VASH2: variants seen among roughly 807,000 people sequenced by gnomAD.
The protein encoded by VASH2 is vasohibin 2.
VASH2 carries 28 observed loss-of-function variants against 37.2 expected under a neutral mutation model. That is an observed-to-expected ratio of 0.75 (90% CI 0.56 to 1.03). The LOEUF is 1.03. VASH2 is among the 50% of genes least tolerant of loss of function. The pLI is 0.00. For synonymous variants in VASH2, 188 were observed against 174.7 expected (o/e 1.08, Z -0.60); for missense variants, 419 against 459.1 (o/e 0.91, Z 0.80).
chr1:212,988,628 T>C lies in VASH2; in HGVS notation c.*44T>C, dbSNP rs1325591678. 1.9e-6 allele frequency: 3 copies of C among 1,592,036 alleles called. No homozygotes were observed. Among genetic ancestry groups the C allele is most frequent in the Non-Finnish European group, 2.6e-6 (3 of 1,160,378 alleles). On this transcript the variant is annotated 3_prime_UTR_variant, in exon 8 of 8. Coordinates refer to ENST00000517399, the MANE Select transcript of VASH2 (RefSeq NM_001301056.2). ...CAAGAGGGTTTCTGTGGTGCTTCTC[T>C]CTGCACTTTACCCAGCATCTTCAGG...
In VASH2 at chr1:212,951,876, C is replaced by A. The variant is rs1028862946; in HGVS notation, c.276+58C>A. 2 of 1,542,042 alleles carry A rather than the reference C, an allele frequency of 1.3e-6. No individual in the cohort carries two copies. The highest frequency in any genetic ancestry group is 8.7e-7 in the Non-Finnish European group (1 of 1,147,604). ...GGGGGTAGGTAGGCAGCGATGGGAC[C>A]GTTTCAGCCTATACATAGCAAACAC... is the stretch of plus-strand genomic sequence containing the variant. On this transcript the variant is annotated intron_variant, in intron 2 of 7. Coordinates refer to ENST00000517399, the MANE Select transcript of VASH2 (RefSeq NM_001301056.2). This position sits in a 1 kb window ranked among gnomAD's most constrained non-coding sequence, Gnocchi z 4.4.
chr1:212,986,977 C>T (rs1667495637), intron 7 of VASH2, among the ~76,000 whole-genome samples: 1 of 152,052 alleles, frequency 6.6e-6, no homozygotes, highest in Non-Finnish European at 1.5e-5. Flanking sequence ...CCACCTTGAG[C>T]AGTCAGGTTT....
chr1:212,965,810 C>T (rs1666823757), intron 4 of VASH2, 32 bp downstream of exon 4: 3 of 1,540,786 alleles, frequency 1.9e-6, no homozygotes, highest in Non-Finnish European at 2.6e-6. Flanking sequence ...GGCCAGATGA[C>T]CTCTCTCCTA....
chr1:212,978,938 T>G (rs752768822), intron 7 of VASH2, among the ~76,000 whole-genome samples: 5 of 152,210 alleles, frequency 3.3e-5, no homozygotes, highest in Non-Finnish European at 5.9e-5. Context: ...ATTGAGGTGT[T>G]TGAGGAGGGA....
intron 5 of VASH2, chr1:212,968,946 C>A (rs1572068563): frequency 1.0e-6 from 1 of 985,408 alleles, no homozygotes; most frequent in East Asian, 1.1e-4. Context: ...CATCCCTGCA[C>A]AATTTTATAC....
intron 5 of VASH2, among the ~76,000 whole-genome samples, chr1:212,969,552 C>G (rs536215620): frequency 6.6e-6 from 1 of 152,110 alleles, no homozygotes; most frequent in Non-Finnish European, 1.5e-5. Flanking sequence ...AGTGCAGTGG[C>G]GCGATCTCGG....
rs148152393 is a variant in VASH2, at chr1:212,976,824, G to T, written c.995+2754G>T. The stretch of plus-strand genomic sequence containing the variant: ...GGCCTGGGAATGGGGAGAAAGACCA[G>T]GGAAAGGGAGTGGTCGCCTGAGGTC... On this transcript the variant is annotated intron_variant, in intron 7 of 7. Coordinates refer to ENST00000517399, the MANE Select transcript of VASH2 (RefSeq NM_001301056.2). 2.0e-5 allele frequency among the ~76,000 whole-genome samples: 3 copies of T among 152,338 alleles called. 1 individual carries two copies. Among genetic ancestry groups the T allele is most frequent in the African/African-American group, 7.2e-5 (3 of 41,580 alleles).
chr1:212,966,004 G>A (rs1666828889), intron 4 of VASH2: 2 of 603,756 alleles, frequency 3.3e-6, no homozygotes, highest in East Asian at 5.5e-5. Context: ...GAGGAGGCTT[G>A]TAAACTCTGC....
intron 2 of VASH2, among the ~76,000 whole-genome samples, chr1:212,959,448 C>G (rs989217787): frequency 7.8e-5 from 2 of 25,646 alleles, no homozygotes; most frequent in African/African-American, 6.0e-4. Flanking sequence ...CACGCACATT[C>G]ACACACACAC....
At chr1:212,985,198 CTTTTTTTTTTTTT>C (rs55804989) in intron 7 of VASH2, among the ~76,000 whole-genome samples, 1 of 100,830 alleles carries the variant, frequency 9.9e-6, no homozygotes, top group African/African-American at 4.5e-5. Flanking sequence ...ATTTTTTTTG[CTTTTTTTTTTTTT>C]TTTTTTTTTT....
chr1:212,977,187 A>AG (rs11409584), intron 7 of VASH2, among the ~76,000 whole-genome samples: 114,480 of 151,460 alleles, frequency 0.76, 43,373 homozygotes, highest in African/African-American at 0.84. Context: ...GATGCAGGCC[A>AG]GATTCCTTTA....
intron 6 of VASH2, 28 bp from the exon 7 acceptor site, chr1:212,973,927 G>A (rs765049237): frequency 5.0e-6 from 8 of 1,609,016 alleles, no homozygotes; most frequent in African/African-American, 1.3e-5. Flanking sequence ...TAGGAACCAG[G>A]GTGATTAACT....
chr1:212,973,238 A>C (rs1209915877), intron 6 of VASH2, among the ~76,000 whole-genome samples: 1 of 152,182 alleles, frequency 6.6e-6, no homozygotes, highest in Admixed American at 6.5e-5. Flanking sequence ...TTGTCGATGT[A>C]ATAGGGTGAC....
At chr1:212,966,530 T>A (rs1308771627) in intron 5 of VASH2, among the ~76,000 whole-genome samples, 185 bp downstream of exon 5, 1 of 152,210 alleles carries the variant, frequency 6.6e-6, no homozygotes, top group Admixed American at 6.5e-5. Flanking sequence ...AATCAATGCT[T>A]GGCTTCTTGG....
At chr1:212,966,396 C>G (rs1173968232) in intron 5 of VASH2, 51 bp downstream of exon 5, 2 of 1,461,732 alleles carry the variant, frequency 1.4e-6, no homozygotes, top group African/African-American at 2.8e-5. Context: ...GGCGGCTTCA[C>G]AATGGGGCTT....
chr1:212,963,574 G>A (rs946317497), intron 3 of VASH2, among the ~76,000 whole-genome samples: 1 of 152,050 alleles, frequency 6.6e-6, no homozygotes, highest in African/African-American at 2.4e-5. Flanking sequence ...AAGAGTACTG[G>A]TGTTGCATGG....
intron 7 of VASH2, among the ~76,000 whole-genome samples, chr1:212,985,280 A>G (rs1202502830): frequency 5.2e-5 from 7 of 135,504 alleles, no homozygotes; most frequent in Non-Finnish European, 9.1e-5. Context: ...GGTTCAAGTG[A>G]TCCTCTCTTC....
At chr1:212,970,556 G>T (rs796937164) in intron 5 of VASH2, among the ~76,000 whole-genome samples, 33 of 151,672 alleles carry the variant, frequency 2.2e-4, no homozygotes, top group African/African-American at 7.6e-4. Context: ...TAAGTGCACA[G>T]TTCAGTGACA....
At chr1:212,973,548 A>C in intron 6 of VASH2, 1 of 1,286,724 alleles carries the variant, frequency 7.8e-7, no homozygotes, top group Admixed American at 2.3e-5. Context: ...AATTAAAACC[A>C]TTCTGTCATA....
Sources: allele counts gnomAD v4.1 joint callset (sites outside exome capture counted in the v4.1 genomes callset), GRCh38; gene constraint gnomAD v4.1.1; non-coding constraint Gnocchi (gnomAD v3.1); transcripts MANE v1.5; gene names NCBI Gene and HGNC (gene_info 2026-07-23, HGNC 2026-07-21).